The following CDKL2 variants were observed in gnomAD, a reference collection of about 807,000 sequenced individuals.
The protein encoded by CDKL2 is cyclin-dependent kinase-like 2.
In CDKL2, 64 loss-of-function variants were observed where a neutral mutation model predicts 63.9. That is an observed-to-expected ratio of 1.00 (90% CI 0.82 to 1.23). The LOEUF is 1.23. Among genes scored for constraint, CDKL2 ranks in the 50% most tolerant of loss-of-function variants. The probability of loss-of-function intolerance (pLI) is 0.00; values close to 1 mark genes in which losing one functional copy is unlikely to be tolerated. For synonymous variants in CDKL2, 211 were observed against 229.2 expected (o/e 0.92, Z 0.72); for missense variants, 656 against 668.0 (o/e 0.98, Z 0.20).
chr4:75,585,920 C>CCA (rs1276303332), intron 12 of CDKL2, among the ~76,000 whole-genome samples: 2 of 152,060 alleles, frequency 1.3e-5, no homozygotes, highest in African/African-American at 4.8e-5. Flanking sequence ...GTACTATTAA[C>CCA]CACCTTGATC....
Position 75,605,538 on chromosome 4 carries a change from A to G in CDKL2, c.639T>C (p.His213=). The G allele has an allele frequency of 6.3e-7, 1 of 1,596,490 alleles. No individual in the cohort carries two copies. Among genetic ancestry groups the G allele is most frequent in the Non-Finnish European group, 8.6e-7 (1 of 1,164,274 alleles). The change falls in exon 5 of 14, where the codon CAT becomes CAC. Residue 213 remains histidine, a synonymous_variant. Coordinates refer to ENST00000307465, the MANE Select transcript of CDKL2 (RefSeq NM_001330724.2). ...TAACCTTACCTAAACACATCATAAT[A>G]TGATATAGCTGATCAATATCAGAAT... ...PGDSDIDQLY[H]IMMCLGNLIP... is the part of the protein sequence containing the mutation.
intron 2 of CDKL2, among the ~76,000 whole-genome samples, chr4:75,619,100 T>C (rs141188288): frequency 3.6e-4 from 55 of 152,264 alleles, no homozygotes; most frequent in African/African-American, 1.1e-3. Context: ...AAAGAGACTA[T>C]AAGCAAGAAC....
chr4:75,583,025 C>A lies in CDKL2; in HGVS notation c.1648-1127G>T, dbSNP rs184432601. ...ACTAAGAACATTTGTCACCGTCAGA[C>A]CTGCTCTGCAAGAAATGCTAACAAG... On this transcript the variant is annotated intron_variant, in intron 12 of 13. Coordinates refer to ENST00000307465, the MANE Select transcript of CDKL2 (RefSeq NM_001330724.2). Among the ~76,000 whole-genome samples, 359 of 152,226 alleles carry A rather than the reference C, an allele frequency of 2.4e-3. 1 individual carries two copies. The highest frequency in any genetic ancestry group is 2.7e-3 in the Non-Finnish European group (182 of 68,002).
intron 1 of CDKL2, among the ~76,000 whole-genome samples, chr4:75,629,541 G>T (rs139979658): frequency 1.3e-5 from 2 of 152,276 alleles, no homozygotes; most frequent in Non-Finnish European, 2.9e-5. Flanking sequence ...TAATACAAAC[G>T]AAAAAGAAAC....
chr4:75,604,578 T>C (rs1265255641), intron 5 of CDKL2, among the ~76,000 whole-genome samples: 1 of 152,226 alleles, frequency 6.6e-6, no homozygotes, highest in Non-Finnish European at 1.5e-5. Flanking sequence ...AGTCCAGCTT[T>C]GAAATTCTGT....
rs1729829018 is a variant in CDKL2, at chr4:75,614,268, C to CA, written c.349dup (p.Cys117LeufsTer44). 9 of 1,601,278 alleles carry CA rather than the reference C, an allele frequency of 5.6e-6. No individual in the cohort carries two copies. The highest frequency in any genetic ancestry group is 7.7e-6 in the Non-Finnish European group (9 of 1,174,032). The stretch of plus-strand genomic sequence containing the variant: ...CCCAATACTTACATTGTGACTGTGA[C>CA]AAAATCCAATTCCATTAATAATCTG... On this transcript the variant is annotated frameshift_variant, in exon 3 of 14. Coordinates refer to ENST00000307465, the MANE Select transcript of CDKL2 (RefSeq NM_001330724.2). LOFTEE classifies it high-confidence loss of function.
chr4:75,591,466 G>A (rs529957391), intron 12 of CDKL2, among the ~76,000 whole-genome samples: 1 of 152,096 alleles, frequency 6.6e-6, no homozygotes, highest in African/African-American at 2.4e-5. Context: ...ATATGGTGGT[G>A]CATGCCTGTA....
intron 12 of CDKL2, among the ~76,000 whole-genome samples, chr4:75,587,903 CAA>C (rs72495158): frequency 3.1e-4 from 26 of 83,714 alleles, no homozygotes; most frequent in Non-Finnish European, 2.5e-4. Flanking sequence ...GATTCTGTCT[CAA>C]AAAAAAAAAA....
At chr4:75,609,614 T>C (rs1336709030) in intron 3 of CDKL2, among the ~76,000 whole-genome samples, 1 of 147,062 alleles carries the variant, frequency 6.8e-6, no homozygotes. Context: ...AAAATATATA[T>C]ATAAAAAATA....
intron 12 of CDKL2, among the ~76,000 whole-genome samples, chr4:75,591,366 C>T (rs1728707611): frequency 1.3e-5 from 2 of 152,162 alleles, no homozygotes; most frequent in Admixed American, 1.3e-4. Flanking sequence ...GAAGCTAAAG[C>T]AGAAGGATCG....
chr4:75,614,129 G>C, intron 3 of CDKL2, 126 bp downstream of exon 3: 1 of 580,346 alleles, frequency 1.7e-6, no homozygotes, highest in East Asian at 3.0e-5. Context: ...ATGCACAGAT[G>C]AAGTATTTAG....
chr4:75,628,226 C>T (rs1209123382), intron 1 of CDKL2, among the ~76,000 whole-genome samples: 1 of 151,788 alleles, frequency 6.6e-6, no homozygotes, highest in Non-Finnish European at 1.5e-5. Flanking sequence ...CGCCATTCTC[C>T]TGCCTCAACC....
Position 75,577,073 on chromosome 4 carries a change from C to T in CDKL2, c.*2129G>A, listed in dbSNP as rs932047279. ...GTAGTGTATATATTATTTATAGCCT[C>T]TTAATTAAATAAATCTAAATTTAAA... On this transcript the variant is annotated 3_prime_UTR_variant, in exon 14 of 14. Coordinates refer to ENST00000307465, the MANE Select transcript of CDKL2 (RefSeq NM_001330724.2). Among the ~76,000 whole-genome samples, 2 of 152,176 alleles carry T rather than the reference C, an allele frequency of 1.3e-5. No individual in the cohort carries two copies. The highest frequency in any genetic ancestry group is 3.4e-3 in the Middle Eastern group (1 of 294).
chr4:75,592,632 A>C (rs1018289378), intron 10 of CDKL2, among the ~76,000 whole-genome samples: 10 of 152,192 alleles, frequency 6.6e-5, no homozygotes, highest in Non-Finnish European at 1.3e-4. Flanking sequence ...TTTTCAGCAA[A>C]TAGTTGCTGT....
intron 9 of CDKL2, 114 bp from the exon 10 acceptor site, chr4:75,596,454 T>C (rs1728938456): frequency 4.5e-6 from 3 of 674,012 alleles, no homozygotes; most frequent in Non-Finnish European, 5.3e-6. Context: ...GAGTGTAATG[T>C]CTATTCTCAA....
chr4:75,625,979 AT>A lies in CDKL2; in HGVS notation c.9del (p.Lys3AsnfsTer16), dbSNP rs1193535555. The A allele has an allele frequency of 6.2e-7, 1 of 1,604,598 alleles. No homozygotes were observed. Among genetic ancestry groups the A allele is most frequent in the Non-Finnish European group, 8.5e-7 (1 of 1,177,884 alleles). On this transcript the variant is annotated frameshift_variant, in exon 2 of 14. Coordinates refer to ENST00000307465, the MANE Select transcript of CDKL2 (RefSeq NM_001330724.2). LOFTEE classifies it high-confidence loss of function. ME[K>X]YENLGLVGEG... ...TCTCCAACCAAACCCAGGTTTTCAT[AT>A]TTTTCCATTTTAATTTAAAGTCCGT...
intron 12 of CDKL2, 28 bp downstream of exon 12, chr4:75,591,791 G>T: frequency 7.0e-7 from 1 of 1,437,566 alleles, no homozygotes; most frequent in Non-Finnish European, 9.4e-7. Context: ...CCCGAGTTCT[G>T]TCCATCCTAT....
At chr4:75,619,601 A>T (rs1222612780) in intron 2 of CDKL2, among the ~76,000 whole-genome samples, 1 of 145,718 alleles carries the variant, frequency 6.9e-6, no homozygotes, top group East Asian at 2.0e-4. Context: ...AAAAAAAAAA[A>T]AGCACACCAG....
At chr4:75,618,238 T>C (rs1301885861) in intron 2 of CDKL2, among the ~76,000 whole-genome samples, 1 of 125,782 alleles carries the variant, frequency 8.0e-6, no homozygotes, top group African/African-American at 3.0e-5. Flanking sequence ...AATTGAAAAT[T>C]CTTTTTTTTT....
Sources: allele counts gnomAD v4.1 joint callset (sites outside exome capture counted in the v4.1 genomes callset), GRCh38; gene constraint gnomAD v4.1.1; transcripts MANE v1.5; gene names NCBI Gene and HGNC (gene_info 2026-07-23, HGNC 2026-07-21).